Variants in CLVS1 observed in about 807,000 individuals in gnomAD.
CLVS1 encodes clavesin-1.
CLVS1 carries 10 observed loss-of-function variants against 33.1 expected under a neutral mutation model. The ratio of observed to expected loss-of-function variants is 0.30; its 90% confidence interval spans 0.19 to 0.51. CLVS1 has a LOEUF of 0.51. CLVS1 is among the 20% of genes least tolerant of loss of function. CLVS1 has a pLI of 0.97. For missense variants in CLVS1, 343 were observed against 433.4 expected (o/e 0.79, Z 1.85); for synonymous variants, 163 against 166.1 (o/e 0.98, Z 0.14).
intron 3 of CLVS1, among the ~76,000 whole-genome samples, chr8:61,449,633 A>T (rs1816882575): frequency 6.6e-6 from 1 of 152,212 alleles, no homozygotes; most frequent in African/African-American, 2.4e-5. Context: ...GTTACTAGTC[A>T]TTTCATTAAA....
chr8:61,278,200 G>A (rs1809600658), intron 2 of CLVS1, among the ~76,000 whole-genome samples: 1 of 152,144 alleles, frequency 6.6e-6, no homozygotes, highest in South Asian at 2.1e-4. Flanking sequence ...TTTCAGGAAG[G>A]TATATTCTGA....
At chr8:61,254,179 G>C (rs906889140) in intron 2 of CLVS1, among the ~76,000 whole-genome samples, 6 of 152,180 alleles carry the variant, frequency 3.9e-5, no homozygotes, top group Non-Finnish European at 7.3e-5. Flanking sequence ...GTTTGCTGGA[G>C]GTCCACTCCA....
At chr8:61,143,279 C>T (rs60235702) in intron 2 of CLVS1, among the ~76,000 whole-genome samples, 3,630 of 152,160 alleles carry the variant, frequency 0.024, 140 homozygotes, top group African/African-American at 0.082. Context: ...CTGTGGTGAC[C>T]GTACAGTCAA....
At chr8:61,239,609 G>T (rs1011972908) in intron 2 of CLVS1, among the ~76,000 whole-genome samples, 2 of 151,960 alleles carry the variant, frequency 1.3e-5, no homozygotes, top group Non-Finnish European at 2.9e-5. Context: ...GGTGGCTTGT[G>T]CCTGGAGTCC....
intron 2 of CLVS1, among the ~76,000 whole-genome samples, chr8:61,138,646 G>A (rs980019078): frequency 3.3e-5 from 5 of 151,734 alleles, no homozygotes; most frequent in African/African-American, 7.3e-5. Context: ...GGGGGGATAG[G>A]GGTCCAGTGG....
chr8:60,988,091 G>A, the CLVS1 span, among the ~76,000 whole-genome samples: 3 of 152,142 alleles, frequency 2.0e-5, no homozygotes, highest in Non-Finnish European at 2.9e-5. Context: ...TCTGATTCCT[G>A]TTTGAGTGTG....
Position 61,337,870 on chromosome 8 carries a change from C to T in CLVS1, c.455+37588C>T, listed in dbSNP as rs545198697. ...CATGCAGAGGACTAGAAAACATCTT[C>T]TTTATAGATCTCATTCTAAAATGAC... is the stretch of plus-strand genomic sequence containing the variant. On this transcript the variant is annotated intron_variant, in intron 2 of 5. Coordinates refer to ENST00000325897, the MANE Select transcript of CLVS1 (RefSeq NM_173519.3). 9.9e-5 allele frequency among the ~76,000 whole-genome samples: 15 copies of T among 152,280 alleles called. No individual in the cohort carries two copies. The South Asian group carries it at 2.3e-3, about 23-fold the overall frequency.
At chr8:61,290,744 G>T (rs1307672442) in intron 1 of CLVS1, among the ~76,000 whole-genome samples, 1 of 152,198 alleles carries the variant, frequency 6.6e-6, no homozygotes, top group Non-Finnish European at 1.5e-5. Context: ...AGACAGAGGA[G>T]GCAGCACAGC....
intron 2 of CLVS1, among the ~76,000 whole-genome samples, chr8:61,251,124 AG>A (rs1352168426): frequency 1.3e-5 from 2 of 152,198 alleles, no homozygotes; most frequent in Non-Finnish European, 2.9e-5. Context: ...TTTAGTATGA[AG>A]GGCTGTTAAA....
intron 2 of CLVS1, among the ~76,000 whole-genome samples, chr8:61,340,480 C>T (rs1223248596): frequency 1.3e-5 from 2 of 152,166 alleles, no homozygotes; most frequent in African/African-American, 4.8e-5. Flanking sequence ...AATACAATGT[C>T]TTCCAGGTTC....
At chr8:61,122,575 C>CACACACACACAT (rs1171855099) in intron 1 of CLVS1, among the ~76,000 whole-genome samples, 1 of 76,974 alleles carries the variant, frequency 1.3e-5, no homozygotes, top group Non-Finnish European at 2.5e-5. Context: ...AGAAAACACA[C>CACACACACACAT]ACACACACAC....
chr8:61,280,018 T>C (rs1438185738), intron 2 of CLVS1, among the ~76,000 whole-genome samples: 1 of 152,176 alleles, frequency 6.6e-6, no homozygotes, highest in Non-Finnish European at 1.5e-5. Flanking sequence ...ACAAATATTT[T>C]CTGTACACAT....
chr8:61,349,366 A>T (rs1284329425), intron 2 of CLVS1, among the ~76,000 whole-genome samples: 1 of 152,134 alleles, frequency 6.6e-6, no homozygotes, highest in Non-Finnish European at 1.5e-5. Context: ...AAAAGAAAAA[A>T]ATGAAAAGCT....
In CLVS1 at chr8:61,170,469, C is replaced by G. The variant is rs141049309; in HGVS notation, c.-152+38609C>G. On this transcript the variant is annotated intron_variant, in intron 2 of 2. Transcript: ENST00000522621. The stretch of plus-strand genomic sequence containing the variant: ...ATTGTAAGCCAGTAACAATGATAAC[C>G]AGAAATGCCAATTACAACTAACATG... Among the ~76,000 whole-genome samples, 287 of 152,260 alleles carry G rather than the reference C, an allele frequency of 1.9e-3. 2 individuals carry two copies. Among genetic ancestry groups the G allele is most frequent in the Admixed American group, 2.9e-3 (45 of 15,286 alleles).
intron 2 of CLVS1, among the ~76,000 whole-genome samples, chr8:61,169,835 C>T (rs1003528505): frequency 1.3e-5 from 2 of 152,106 alleles, no homozygotes; most frequent in Non-Finnish European, 2.9e-5. Flanking sequence ...TGCCTTTTCT[C>T]CTGTTAATTT....
At chr8:61,210,108 G>A (rs1019698803) in intron 2 of CLVS1, among the ~76,000 whole-genome samples, 4 of 152,220 alleles carry the variant, frequency 2.6e-5, no homozygotes, top group East Asian at 1.9e-4. Context: ...CTCCTGTTAT[G>A]TTTGAATGTA....
intron 2 of CLVS1, among the ~76,000 whole-genome samples, chr8:61,341,175 G>GT (rs1812017478): frequency 6.6e-6 from 1 of 152,138 alleles, no homozygotes. Context: ...GATCATTTCA[G>GT]TGTTTGTCAT....
At chr8:61,389,689 C>T (rs1373451666) in intron 3 of CLVS1, among the ~76,000 whole-genome samples, 1 of 152,184 alleles carries the variant, frequency 6.6e-6, no homozygotes, top group Admixed American at 6.5e-5. Flanking sequence ...ATCATAGAAT[C>T]AGATATGACA....
chr8:60,967,770 C>T, the CLVS1 span: 2 of 449,418 alleles, frequency 4.5e-6, no homozygotes, highest in Admixed American at 2.4e-5. Context: ...ATCCCTTTTG[C>T]TTTCTTTTTC....
Sources: gnomAD v4.1 joint callset for allele counts (sites outside exome capture counted in the v4.1 genomes callset) on GRCh38, gnomAD v4.1.1 for gene constraint, MANE v1.5 for transcripts, NCBI Gene and HGNC (gene_info 2026-07-23, HGNC 2026-07-21) for gene names.